The following MPP7 variants were observed in gnomAD, a reference collection of about 807,000 sequenced individuals.
MPP7 encodes MAGUK p55 scaffold protein 7.
In MPP7, 60 loss-of-function variants were observed where a neutral mutation model predicts 76.5. That is an observed-to-expected ratio of 0.78 (90% CI 0.64 to 0.97). The LOEUF is 0.97. Ranked by LOEUF, MPP7 falls within the 50% of genes least tolerant of loss-of-function variation. MPP7 has a pLI of 0.00. For missense variants in MPP7, 641 were observed against 694.0 expected (o/e 0.92, Z 0.86); for synonymous variants, 237 against 244.5 (o/e 0.97, Z 0.29).
chr10:28,201,256 T>C (rs770573448), intron 3 of MPP7, among the ~76,000 whole-genome samples: 2 of 152,178 alleles, frequency 1.3e-5, no homozygotes, highest in Non-Finnish European at 2.9e-5. Flanking sequence ...AGGAATTCTG[T>C]TCTGAAAAGC....
chr10:28,289,074 C>A (rs193298174), intron 1 of MPP7, among the ~76,000 whole-genome samples: 2 of 151,846 alleles, frequency 1.3e-5, no homozygotes, highest in Non-Finnish European at 2.9e-5. Flanking sequence ...CCGAGGTGGG[C>A]GGATCATTTG....
At chr10:28,136,049 G>A (rs117731202) in intron 5 of MPP7, among the ~76,000 whole-genome samples, 4,238 of 152,000 alleles carry the variant, frequency 0.028, 89 homozygotes, top group Middle Eastern at 0.058. Context: ...TCATAGGAGC[G>A]TGAACCCTAT....
intron 15 of MPP7, chr10:28,057,623 T>C: frequency 4.9e-6 from 2 of 410,800 alleles, no homozygotes; most frequent in Non-Finnish European, 7.1e-6. Flanking sequence ...TTTTTTTTTT[T>C]TTTTTTTTTT....
chr10:28,132,727 T>C (rs756609421), intron 5 of MPP7, among the ~76,000 whole-genome samples: 1 of 152,154 alleles, frequency 6.6e-6, no homozygotes. Context: ...GCCTCCCAAG[T>C]AGCTGGGATT....
In MPP7 at chr10:28,089,670, C is replaced by A; in HGVS notation, c.1123+1G>T. 1 of 1,610,804 alleles carries A rather than the reference C, an allele frequency of 6.2e-7. No homozygotes were observed. The highest frequency in any genetic ancestry group is 8.5e-7 in the Non-Finnish European group (1 of 1,178,800). Reference sequence around the variant, plus strand: ...AATTACTCACAGAAACAAGCACTTACCAACCAAGACAACGAGTCTGTATTT... The same window carrying A: ...AATTACTCACAGAAACAAGCACTTAACAACCAAGACAACGAGTCTGTATTT... On this transcript the variant is annotated splice_donor_variant, in intron 12 of 16. Coordinates refer to ENST00000683449, the MANE Select transcript of MPP7 (RefSeq NM_001318170.2). LOFTEE classifies it high-confidence loss of function.
intron 1 of MPP7, among the ~76,000 whole-genome samples, chr10:28,292,587 T>G (rs978462941): frequency 2.0e-5 from 3 of 152,184 alleles, no homozygotes. Context: ...CTCTAGAGAT[T>G]ATAATTCAGT....
Position 28,053,750 on chromosome 10 carries a change from T to C in MPP7, c.*315A>G, listed in dbSNP as rs558194843. ...GACCAGCAGAAGCGCTGAACTCCCA[T>C]ACATACTAAGCCTCTAGCTAAGTCT... On this transcript the variant is annotated 3_prime_UTR_variant, in exon 17 of 17. Transcript: ENST00000683449. The C allele has an allele frequency of 3.5e-4, 99 of 286,276 alleles. No homozygotes were observed. The highest frequency in any genetic ancestry group is 2.1e-3 in the African/African-American group (92 of 44,190). 17.7% of individuals were successfully genotyped at this position (286,276 alleles called of 1,614,324 possible).
intron 2 of MPP7, among the ~76,000 whole-genome samples, chr10:28,221,198 G>C (rs1311410732): frequency 6.6e-6 from 1 of 152,096 alleles, no homozygotes; most frequent in Non-Finnish European, 1.5e-5. Flanking sequence ...AATCTAAGCT[G>C]TAAACGTTTT....
At chr10:28,198,553 C>A in intron 3 of MPP7, among the ~76,000 whole-genome samples, 2 of 145,878 alleles carry the variant, frequency 1.4e-5, no homozygotes, top group Admixed American at 6.9e-5. Flanking sequence ...CCAGCCTGGG[C>A]AACAGAGCAA....
intron 2 of MPP7, among the ~76,000 whole-genome samples, chr10:28,227,202 C>T (rs576757340): frequency 5.0e-4 from 76 of 152,338 alleles, no homozygotes; most frequent in Non-Finnish European, 5.7e-4. Context: ...CAAGGAAGTA[C>T]ATTACTCCCA....
At chr10:28,167,659 C>G (rs1159665245) in intron 3 of MPP7, among the ~76,000 whole-genome samples, 1 of 150,642 alleles carries the variant, frequency 6.6e-6, no homozygotes, top group Non-Finnish European at 1.5e-5. Context: ...AAAAAATATT[C>G]TTGTAAAAGT....
intron 15 of MPP7, chr10:28,057,822 C>T: frequency 7.8e-7 from 1 of 1,275,730 alleles, no homozygotes. Flanking sequence ...CAGGGTACAG[C>T]CATCAGTGGA....
At chr10:28,292,601 T>C (rs1314411823) in intron 1 of MPP7, among the ~76,000 whole-genome samples, 2 of 152,226 alleles carry the variant, frequency 1.3e-5, no homozygotes, top group Admixed American at 1.3e-4. Flanking sequence ...ATTCAGTTCA[T>C]CTGTGGTCAA....
chr10:28,101,539 C>T (rs2133515016), intron 11 of MPP7, among the ~76,000 whole-genome samples: 1 of 151,940 alleles, frequency 6.6e-6, no homozygotes, highest in East Asian at 1.9e-4. Flanking sequence ...TATGGCAAAC[C>T]CCTCTTAACT....
chr10:28,061,881 A>G (rs1195353028), intron 13 of MPP7, among the ~76,000 whole-genome samples: 1 of 152,140 alleles, frequency 6.6e-6, no homozygotes, highest in Non-Finnish European at 1.5e-5. Context: ...CAATGAAATA[A>G]TATCTTTAAA....
rs550615688 is a variant in MPP7, at chr10:28,091,422, G to T, written c.953-1581C>A. On this transcript the variant is annotated intron_variant, in intron 11 of 16. Transcript: ENST00000683449. The stretch of plus-strand genomic sequence containing the variant: ...CCTGCCTCAGCTTCCCGAGTAGCTG[G>T]GATTACAGGCGCATGCCATCACGCC... 4.3e-4 allele frequency among the ~76,000 whole-genome samples: 65 copies of T among 151,842 alleles called. 1 individual carries two copies. Among genetic ancestry groups the T allele is most frequent in the African/African-American group, 1.4e-3 (58 of 41,414 alleles).
At chr10:28,097,654 T>C (rs1853631904) in intron 11 of MPP7, among the ~76,000 whole-genome samples, 1 of 152,158 alleles carries the variant, frequency 6.6e-6, no homozygotes, top group African/African-American at 2.4e-5. Flanking sequence ...ATGTTAGGTA[T>C]GAAATAATTT....
At position 28,261,070 on chromosome 10, in the gene MPP7, CAATT is replaced by C. The variant is rs991010923; in HGVS notation, c.-131-22339_-131-22336del. Among the ~76,000 whole-genome samples, 35 of 152,324 alleles carry C rather than the reference CAATT, an allele frequency of 2.3e-4. 1 individual carries two copies. The highest frequency in any genetic ancestry group is 8.2e-4 in the African/African-American group (34 of 41,578). On this transcript the variant is annotated intron_variant, in intron 1 of 16. Transcript: ENST00000683449. Reference sequence around the variant, plus strand: ...AAGCCAGATGGGTCCCCAATTCAATCAATTATCTTTAATCTTTCAACTAAGAAAA... The same window carrying C: ...AAGCCAGATGGGTCCCCAATTCAATCATCTTTAATCTTTCAACTAAGAAAA...
At chr10:28,330,488 A>T (rs545750271) in intron 1 of MPP7, among the ~76,000 whole-genome samples, 4 of 152,232 alleles carry the variant, frequency 2.6e-5, no homozygotes, top group South Asian at 2.1e-4. Context: ...AGACTTTTTT[A>T]AAAAAAGCAG....
Sources: gnomAD v4.1 joint callset for allele counts (sites outside exome capture counted in the v4.1 genomes callset) on GRCh38, gnomAD v4.1.1 for gene constraint, MANE v1.5 for transcripts, NCBI Gene and HGNC (gene_info 2026-07-23, HGNC 2026-07-21) for gene names.